Variants in SSBP1 observed in about 807,000 individuals in gnomAD.
SSBP1 encodes the protein single stranded DNA binding protein 1, also known as single-stranded DNA-binding protein, mitochondrial.
SSBP1 carries 20 observed loss-of-function variants against 27.0 expected under a neutral mutation model. The observed-to-expected ratio is 0.74, with a 90% CI of 0.52 to 1.08. The LOEUF (loss-of-function observed/expected upper bound fraction) is 1.08, where lower values mean the gene tolerates loss of function less well. Ranked by LOEUF, SSBP1 falls within the 50% of genes least tolerant of loss-of-function variation. The pLI is 0.00. For synonymous variants in SSBP1, 59 were observed against 59.3 expected (o/e 1.00, Z 0.02); for missense variants, 137 against 182.4 (o/e 0.75, Z 1.44).
intron 5 of SSBP1, among the ~76,000 whole-genome samples, chr7:141,745,151 A>T (rs1799728642): frequency 6.6e-6 from 1 of 152,160 alleles, no homozygotes; most frequent in African/African-American, 2.4e-5. Context: ...TCTGTTAGGG[A>T]CTCCAAAATC....
intron 3 of SSBP1, among the ~76,000 whole-genome samples, 177 bp from the exon 4 acceptor site, chr7:141,743,384 C>T (rs549842795): frequency 2.0e-5 from 3 of 152,286 alleles, no homozygotes; most frequent in East Asian, 1.9e-4. Context: ...TCTTCCTGTT[C>T]CTATAGGGAC....
intron 2 of SSBP1, chr7:141,741,789 T>C (rs1351443241): frequency 9.9e-7 from 1 of 1,005,602 alleles, no homozygotes; most frequent in Non-Finnish European, 1.2e-6. Flanking sequence ...GCAGCAACTC[T>C]TAGGTACAGG....
intron 3 of SSBP1, among the ~76,000 whole-genome samples, chr7:141,743,141 C>G (rs1399316610): frequency 6.6e-6 from 1 of 152,238 alleles, no homozygotes; most frequent in East Asian, 1.9e-4. Context: ...GCGTGAGCCA[C>G]CGCGCCCAGC....
intron 6 of SSBP1, among the ~76,000 whole-genome samples, chr7:141,746,858 G>A (rs1423503526): frequency 6.6e-6 from 1 of 151,944 alleles, no homozygotes; most frequent in East Asian, 1.9e-4. Context: ...ATGTATCAAT[G>A]GAATCTAAAT....
chr7:141,742,601 C>T (rs1799585157), intron 3 of SSBP1, among the ~76,000 whole-genome samples: 1 of 152,122 alleles, frequency 6.6e-6, no homozygotes, highest in Non-Finnish European at 1.5e-5. Context: ...CAGATTTGTT[C>T]TTTTAGCTCC....
chr7:141,749,174 T>G (rs1420102556), intron 6 of SSBP1, among the ~76,000 whole-genome samples: 1 of 152,166 alleles, frequency 6.6e-6, no homozygotes, highest in South Asian at 2.1e-4. Context: ...TAACATAGCA[T>G]TTACCTTGTA....
intron 3 of SSBP1, 103 bp downstream of exon 3, chr7:141,742,332 T>A: frequency 1.2e-6 from 1 of 832,968 alleles, no homozygotes; most frequent in Non-Finnish European, 2.0e-6. Flanking sequence ...ATGTTGCCAT[T>A]GTGCTTTTAG....
chr7:141,740,211 A>T (rs185063976), intron 2 of SSBP1: 1 of 152,210 alleles, frequency 6.6e-6, no homozygotes, highest in African/African-American at 2.4e-5. Context: ...TTATTTTCTT[A>T]TCTGCCCTCT....
chr7:141,745,468 TA>T lies in SSBP1; in HGVS notation c.315-23del, dbSNP rs200266905. The T allele has an allele frequency of 4.3e-5, 67 of 1,566,968 alleles. No homozygotes were observed. The East Asian group carries it at 1.5e-3, about 34-fold the overall frequency. On this transcript the variant is annotated intron_variant, in intron 5 of 6. Coordinates refer to ENST00000265304, the MANE Select transcript of SSBP1 (RefSeq NM_003143.3). ...TTATAAAGCATATTAAGATCTCAAC[TA>T]AAAACTGTACATTTTATTTATATCA... is the stretch of plus-strand genomic sequence containing the variant.
At chr7:141,739,276 G>C (rs1293522710) in intron 2 of SSBP1, 86 bp downstream of exon 2, 1 of 1,155,266 alleles carries the variant, frequency 8.7e-7, no homozygotes, top group Non-Finnish European at 1.2e-6. Flanking sequence ...AACTACAGGG[G>C]CAAAAGACCT....
chr7:141,744,923 C>T (rs17162442), intron 5 of SSBP1, among the ~76,000 whole-genome samples: 5,437 of 151,978 alleles, frequency 0.036, 227 homozygotes, highest in South Asian at 0.15. Context: ...TTGAAAATCA[C>T]GATTAGGTTT....
chr7:141,741,836 A>C, intron 2 of SSBP1: 1 of 1,009,456 alleles, frequency 9.9e-7, no homozygotes, highest in Non-Finnish European at 1.2e-6. Context: ...TGTAATGTTA[A>C]AGTGATACTA....
At chr7:141,743,818 G>C in intron 4 of SSBP1, 84 bp from the exon 5 acceptor site, 2 of 1,546,150 alleles carry the variant, frequency 1.3e-6, no homozygotes, top group Non-Finnish European at 1.8e-6. Context: ...CATTCTGTTT[G>C]TTCTCTTAGA....
rs1473934855 is a variant in SSBP1 at position 141,739,204 on chromosome 7, T to C, written c.24+14T>C. On this transcript the variant is annotated intron_variant, in intron 2 of 6. Transcript: ENST00000265304. ...CCTGTATTACAGGTAGTCACTTGTC[T>C]GTATTAATACTGAGATGTATTACTA... The C allele has an allele frequency of 2.5e-6, 4 of 1,592,316 alleles. No homozygotes were observed. The highest frequency in any genetic ancestry group is 2.6e-6 in the Non-Finnish European group (3 of 1,168,206).
intron 4 of SSBP1, 65 bp downstream of exon 4, chr7:141,743,766 A>G: frequency 1.3e-6 from 2 of 1,567,998 alleles, no homozygotes; most frequent in East Asian, 4.5e-5. Flanking sequence ...ATTGCCAGTT[A>G]TCTAATTTAG....
intron 6 of SSBP1, chr7:141,745,853 T>C (rs531410102): frequency 5.3e-5 from 61 of 1,144,328 alleles, no homozygotes; most frequent in Non-Finnish European, 6.1e-5. Flanking sequence ...CCAGTACTTA[T>C]TGTTGAGAAT....
At chr7:141,748,787 GT>G (rs1194026970) in intron 6 of SSBP1, among the ~76,000 whole-genome samples, 1 of 152,070 alleles carries the variant, frequency 6.6e-6, no homozygotes, top group African/African-American at 2.4e-5. Context: ...TGGTTGATCT[GT>G]TTTATTGGTG....
chr7:141,746,407 C>T (rs986046785), intron 6 of SSBP1: 2 of 152,314 alleles, frequency 1.3e-5, no homozygotes, highest in African/African-American at 2.4e-5. Context: ...ATGGTGTGAT[C>T]ACAGCTTACT....
intron 6 of SSBP1, among the ~76,000 whole-genome samples, chr7:141,748,384 A>G (rs572241235): frequency 6.6e-6 from 1 of 152,204 alleles, no homozygotes; most frequent in African/African-American, 2.4e-5. Context: ...AGTCTCTTAG[A>G]TTTGCCTTTT....
Sources: allele counts gnomAD v4.1 joint callset (sites outside exome capture counted in the v4.1 genomes callset), GRCh38; gene constraint gnomAD v4.1.1; transcripts MANE v1.5; gene names NCBI Gene and HGNC (gene_info 2026-07-23, HGNC 2026-07-21).